Variants in ELMO1 observed in about 807,000 individuals in gnomAD.
The protein encoded by ELMO1 is engulfment and cell motility protein 1.
In ELMO1, 26 loss-of-function variants were observed where a neutral mutation model predicts 98.9. That is an observed-to-expected ratio of 0.26 (90% confidence interval 0.19 to 0.36). The LOEUF is 0.36. ELMO1 is among the 10% of genes least tolerant of loss of function. The probability of loss-of-function intolerance (pLI) is 1.00; values close to 1 mark genes in which losing one functional copy is unlikely to be tolerated. For missense variants in ELMO1, 627 were observed against 935.2 expected, an observed-to-expected ratio of 0.67 and a Z score of 4.30; for synonymous variants, 346 against 346.0, an observed-to-expected ratio of 1.00 and a Z score of 0.00.
intron 8 of ELMO1, among the ~76,000 whole-genome samples, chr7:37,229,926 T>G (rs1472944987): frequency 6.6e-6 from 1 of 152,334 alleles, no homozygotes; most frequent in Middle Eastern, 3.4e-3. Context: ...TTTCAATGAA[T>G]GAAAAACATT....
At chr7:37,222,535 C>A (rs2302668) in intron 10 of ELMO1, 80 bp downstream of exon 10, 1 of 1,388,356 alleles carries the variant, frequency 7.2e-7, no homozygotes, top group East Asian at 2.3e-5. Context: ...AATGAGTCCC[C>A]GAATAGAAGG....
At position 37,133,256 on chromosome 7, in the gene ELMO1, G is replaced by A. The variant is rs759133479; in HGVS notation, c.1087-22C>T. 8 of 1,581,844 alleles carry A rather than the reference G, an allele frequency of 5.1e-6. No homozygotes were observed. The Admixed American group carries it at 1.2e-4, about 24-fold the overall frequency. ...GATTCTGTGAGTAAAACAAAATCAT[G>A]ATAAGGTGAATTCTTCAGCAGATTT... is the stretch of plus-strand genomic sequence containing the variant. On this transcript the variant is annotated intron_variant, in intron 13 of 21. Transcript: ENST00000310758.
rs916431431 is a variant in ELMO1, at chr7:36,936,928, T to C, written c.1438-41911A>G. Among the ~76,000 whole-genome samples the C allele has an allele frequency of 2.0e-5, 3 of 152,184 alleles. No individual in the cohort carries two copies. The South Asian group carries it at 6.2e-4, about 31-fold the overall frequency. ...GAAAATATGGTATTTCCTTTTATTG[T>C]AGTTTCTTTTTTGGGCCACACTGCT... On this transcript the variant is annotated intron_variant, in intron 16 of 21. Coordinates refer to ENST00000310758, the MANE Select transcript of ELMO1 (RefSeq NM_014800.11).
At chr7:37,129,118 G>T (rs1201180836) in intron 14 of ELMO1, among the ~76,000 whole-genome samples, 4 of 151,956 alleles carry the variant, frequency 2.6e-5, no homozygotes, top group African/African-American at 7.2e-5. Context: ...GGCTAGTTTG[G>T]CCTACCATCA....
intron 16 of ELMO1, among the ~76,000 whole-genome samples, chr7:36,935,280 T>A (rs1234879640): frequency 6.6e-6 from 1 of 152,192 alleles, no homozygotes; most frequent in Non-Finnish European, 1.5e-5. Flanking sequence ...CCTTCTGCCA[T>A]GATGGTGAGG....
At chr7:37,117,123 T>C in intron 14 of ELMO1, 1 of 208,068 alleles carries the variant, frequency 4.8e-6, no homozygotes. Flanking sequence ...TCACAGACTG[T>C]CCAACCTGCG....
chr7:37,239,358 G>T (rs1471230193), intron 7 of ELMO1, among the ~76,000 whole-genome samples: 1 of 152,016 alleles, frequency 6.6e-6, no homozygotes, highest in African/African-American at 2.4e-5. Flanking sequence ...GTAGAGACAG[G>T]GTTTCACCAT....
intron 16 of ELMO1, among the ~76,000 whole-genome samples, chr7:36,905,068 G>T (rs760795367): frequency 1.3e-5 from 2 of 152,224 alleles, no homozygotes; most frequent in Non-Finnish European, 2.9e-5. Flanking sequence ...AAGCAAGTCA[G>T]TTCCAAACAT....
chr7:37,092,773 A>C (rs1214328536), intron 15 of ELMO1, among the ~76,000 whole-genome samples: 2 of 152,186 alleles, frequency 1.3e-5, no homozygotes, highest in African/African-American at 2.4e-5. Context: ...CTCATAAATA[A>C]GGAACCAGCG....
intron 4 of ELMO1, among the ~76,000 whole-genome samples, chr7:37,304,031 A>T (rs574825544): frequency 6.6e-6 from 1 of 152,096 alleles, no homozygotes; most frequent in Non-Finnish European, 1.5e-5. Flanking sequence ...GACTCAACTT[A>T]GGCTGTTTTT....
chr7:37,120,777 G>C (rs1449456027), intron 14 of ELMO1, among the ~76,000 whole-genome samples: 1 of 152,186 alleles, frequency 6.6e-6, no homozygotes, highest in Non-Finnish European at 1.5e-5. Flanking sequence ...GAAGAGAGTA[G>C]TGGTTCTCCC....
At chr7:37,335,529 T>C (rs1002959405) in intron 2 of ELMO1, among the ~76,000 whole-genome samples, 2 of 152,174 alleles carry the variant, frequency 1.3e-5, no homozygotes, top group Non-Finnish European at 2.9e-5. Context: ...GTCTCAGGAA[T>C]ACCAGAAAGC....
intron 13 of ELMO1, among the ~76,000 whole-genome samples, chr7:37,186,044 A>G (rs1206175462): frequency 1.3e-5 from 2 of 152,206 alleles, no homozygotes; most frequent in African/African-American, 4.8e-5. Flanking sequence ...TGGAGGACAC[A>G]CACTTTCTGA....
chr7:37,412,479 C>T (rs1420004960), intron 1 of ELMO1, among the ~76,000 whole-genome samples: 1 of 152,194 alleles, frequency 6.6e-6, no homozygotes, highest in Non-Finnish European at 1.5e-5. Flanking sequence ...ATCATATATA[C>T]CATAGTTTAC....
chr7:37,165,051 C>T (rs1448360838), intron 13 of ELMO1, among the ~76,000 whole-genome samples: 1 of 152,268 alleles, frequency 6.6e-6, no homozygotes, highest in African/African-American at 2.4e-5. Context: ...AGGTCCTTCA[C>T]ATCCCTTGTA....
At chr7:36,914,413 T>C (rs1200213931) in intron 16 of ELMO1, among the ~76,000 whole-genome samples, 1 of 152,164 alleles carries the variant, frequency 6.6e-6, no homozygotes, top group African/African-American at 2.4e-5. Flanking sequence ...TTATATGAAA[T>C]AGAGATGATA....
chr7:36,875,586 C>A (rs1044374794), intron 19 of ELMO1, among the ~76,000 whole-genome samples: 3 of 152,198 alleles, frequency 2.0e-5, no homozygotes, highest in Non-Finnish European at 4.4e-5. Flanking sequence ...ACAATCCCTT[C>A]AAGAACCAGC....
chr7:37,401,097 A>C (rs1221340502), intron 1 of ELMO1, among the ~76,000 whole-genome samples: 2 of 152,194 alleles, frequency 1.3e-5, no homozygotes, highest in African/African-American at 4.8e-5. Context: ...AGGAAGCTTA[A>C]GTAAGTGAAG....
chr7:37,259,282 C>T lies in ELMO1; in HGVS notation c.312G>A (p.Leu104=). ...SSSMDAKLEA[L]KDLASLSRDV... is the part of the protein sequence containing the mutation. ...CCCGGGAGAGGCTGGCCAAGTCCTTCAGGGCTTCCAGCTTGGCATCCATAC... is the reference window on the plus strand; with the variant it reads ...CCCGGGAGAGGCTGGCCAAGTCCTTTAGGGCTTCCAGCTTGGCATCCATAC... Residue 104 remains leucine, a synonymous_variant, in exon 6 of 22, where the codon CTG becomes CTA. Coordinates refer to ENST00000310758, the MANE Select transcript of ELMO1 (RefSeq NM_014800.11). 6.2e-7 allele frequency: 1 copy of T among 1,614,142 alleles called. No homozygotes were observed. Among genetic ancestry groups the T allele is most frequent in the Non-Finnish European group, 8.5e-7 (1 of 1,180,010 alleles).
Sources: gnomAD v4.1 joint callset for allele counts (sites outside exome capture counted in the v4.1 genomes callset) on GRCh38, gnomAD v4.1.1 for gene constraint, MANE v1.5 for transcripts, NCBI Gene and HGNC (gene_info 2026-07-23, HGNC 2026-07-21) for gene names.